PLCE1: variants seen among roughly 807,000 people sequenced by gnomAD.
PLCE1 encodes 1-phosphatidylinositol 4,5-bisphosphate phosphodiesterase epsilon-1.
A neutral mutation model predicts 242.8 loss-of-function variants in PLCE1; 119 were observed. That is an observed-to-expected ratio of 0.49 (90% CI 0.42 to 0.57). The LOEUF (loss-of-function observed/expected upper bound fraction) is 0.57, where lower values mean the gene tolerates loss of function less well. PLCE1 is among the 20% of genes least tolerant of loss of function. The pLI is 0.00. For missense variants in PLCE1, 2,441 were observed against 2,788.8 expected (o/e 0.88, Z 2.81); for synonymous variants, 945 against 1,017.4 (o/e 0.93, Z 1.35).
intron 2 of PLCE1, among the ~76,000 whole-genome samples, chr10:94,034,880 C>G (rs761812597): frequency 3.9e-5 from 6 of 152,258 alleles, no homozygotes; most frequent in South Asian, 2.1e-4. Context: ...ATTTGCCTTT[C>G]CCTAAAAAAG....
chr10:94,107,794 C>A (rs1039017882), intron 2 of PLCE1: 4 of 152,102 alleles, frequency 2.6e-5, no homozygotes, highest in Non-Finnish European at 5.9e-5. Flanking sequence ...ACATTCAGGG[C>A]TTCTGTCATC....
At chr10:94,315,594 C>A in intron 28 of PLCE1, 1 of 433,118 alleles carries the variant, frequency 2.3e-6, no homozygotes, top group South Asian at 1.7e-5. Flanking sequence ...CATGGTGAAA[C>A]CCTGTCTCCA....
chr10:94,311,180 C>CCAT (rs2053376454), intron 27 of PLCE1, among the ~76,000 whole-genome samples: 1 of 152,130 alleles, frequency 6.6e-6, no homozygotes, highest in South Asian at 2.1e-4. Context: ...TCTCGGAACC[C>CCAT]CATCATTTAG....
At chr10:94,270,017 C>T (rs2051669605) in intron 17 of PLCE1, among the ~76,000 whole-genome samples, 1 of 152,152 alleles carries the variant, frequency 6.6e-6, no homozygotes, top group South Asian at 2.1e-4. Context: ...TTTAGCATTC[C>T]TAAAACTCCT....
chr10:94,007,575 CTTTTT>C (rs57779697), intron 1 of PLCE1, among the ~76,000 whole-genome samples: 13 of 107,224 alleles, frequency 1.2e-4, no homozygotes, highest in African/African-American at 3.7e-4. Flanking sequence ...TTCTCTCTCT[CTTTTT>C]TTTTTTTTTT....
intron 4 of PLCE1, among the ~76,000 whole-genome samples, chr10:94,176,789 A>G (rs1336493327): frequency 6.6e-6 from 1 of 152,188 alleles, no homozygotes; most frequent in African/African-American, 2.4e-5. Context: ...GCTATGAGAC[A>G]TGGACACAAA....
intron 4 of PLCE1, among the ~76,000 whole-genome samples, chr10:94,224,280 T>C (rs901073051): frequency 1.3e-5 from 2 of 152,186 alleles, no homozygotes; most frequent in African/African-American, 4.8e-5. Flanking sequence ...GGAAAGTATA[T>C]GGAAAATGAT....
At chr10:94,201,362 A>G (rs1170413541) in intron 4 of PLCE1, among the ~76,000 whole-genome samples, 1 of 152,234 alleles carries the variant, frequency 6.6e-6, no homozygotes, top group African/African-American at 2.4e-5. Context: ...GTGGTATAGC[A>G]GAAGTGCTTT....
At chr10:94,225,288 A>T (rs2049899098) in intron 4 of PLCE1, 1 of 152,178 alleles carries the variant, frequency 6.6e-6, no homozygotes, top group African/African-American at 2.4e-5. Flanking sequence ...GACTCTTCTC[A>T]GTATTTTCTC....
In PLCE1 at chr10:94,246,241, G is replaced by C; in HGVS notation, c.2716G>C (p.Ala906Pro). The C allele has an allele frequency of 6.2e-7, 1 of 1,614,174 alleles. No homozygotes were observed. The highest frequency in any genetic ancestry group is 8.5e-7 in the Non-Finnish European group (1 of 1,180,016). ...AACTGCCTCCCCAGCCAGCAGTAAA[G>C]CAAAACTTGGTGTACTTAATAACAC... is the stretch of plus-strand genomic sequence containing the variant. ...PTTASPASSKAKLGVLNNTAE... is the reference protein window; with the variant it reads ...PTTASPASSKPKLGVLNNTAE... Residue 906 changes from alanine to proline, a missense_variant, in exon 8 of 33, where the codon GCA becomes CCA. Physicochemically the swap from Ala to Pro is conservative, Grantham distance 27. Around this residue, in one of 5 missense-constraint regions of PLCE1, gnomAD observed 733 missense variants for 754.2 expected, o/e 0.97. Coordinates refer to ENST00000371380, the MANE Select transcript of PLCE1 (RefSeq NM_016341.4).
rs1335947232 is a variant in PLCE1 at position 94,328,677 on chromosome 10, G to A, written c.*734G>A. ...TTTGGGGCATTTCAAGTGTAAATAT[G>A]TCCTATAACATAAGAGTCATTAAAA... is the stretch of plus-strand genomic sequence containing the variant. On this transcript the variant is annotated 3_prime_UTR_variant, in exon 33 of 33. Transcript: ENST00000371380. 1 of 152,122 alleles carries A rather than the reference G, an allele frequency of 6.6e-6. No individual in the cohort carries two copies. The highest frequency in any genetic ancestry group is 2.4e-5 in the African/African-American group (1 of 41,420). The allele number at this position is 152,122 out of a possible 1,614,324, so 9.4% of individuals were successfully genotyped here. A position where few individuals can be genotyped will look rare whatever the true frequency, so the allele number is the denominator to read the frequency against.
chr10:93,999,861 A>G (rs1467672919), intron 1 of PLCE1, among the ~76,000 whole-genome samples: 1 of 152,202 alleles, frequency 6.6e-6, no homozygotes, highest in Non-Finnish European at 1.5e-5. Flanking sequence ...GGTTAGTGTC[A>G]GGGCCCAGAT....
chr10:94,149,123 G>A (rs935525869), intron 3 of PLCE1, among the ~76,000 whole-genome samples: 1 of 152,140 alleles, frequency 6.6e-6, no homozygotes, highest in Non-Finnish European at 1.5e-5. Flanking sequence ...AAGAATGGAG[G>A]CATTTTTACT....
At chr10:94,099,692 T>C (rs957156883) in intron 2 of PLCE1, 1 of 152,210 alleles carries the variant, frequency 6.6e-6, no homozygotes, top group Non-Finnish European at 1.5e-5. Flanking sequence ...AACAAGTCTG[T>C]AAAACATGAA....
intron 2 of PLCE1, among the ~76,000 whole-genome samples, chr10:94,039,856 A>G (rs2061732784): frequency 6.6e-6 from 1 of 152,238 alleles, no homozygotes; most frequent in African/African-American, 2.4e-5. Flanking sequence ...AGAAATGTCT[A>G]GTCAAATTAT....
intron 2 of PLCE1, among the ~76,000 whole-genome samples, chr10:94,131,320 C>G (rs994803848): frequency 6.6e-6 from 1 of 152,102 alleles, no homozygotes; most frequent in African/African-American, 2.4e-5. Context: ...CAGGCCTCAT[C>G]GAAGATTGTG....
At chr10:93,998,923 G>A (rs1447611508) in intron 1 of PLCE1, among the ~76,000 whole-genome samples, 2 of 152,210 alleles carry the variant, frequency 1.3e-5, no homozygotes, top group African/African-American at 2.4e-5. Flanking sequence ...GGAGACAGGA[G>A]TGATGTGAGC....
At chr10:94,295,192 A>C (rs562485762) in intron 23 of PLCE1, among the ~76,000 whole-genome samples, 15 of 152,158 alleles carry the variant, frequency 9.9e-5, no homozygotes, top group African/African-American at 3.1e-4. Flanking sequence ...CTGGGATTAC[A>C]GGTGTGAGCC....
At chr10:94,013,533 G>GAA (rs2061215141) in intron 1 of PLCE1, among the ~76,000 whole-genome samples, 1 of 152,222 alleles carries the variant, frequency 6.6e-6, no homozygotes, top group East Asian at 1.9e-4. Flanking sequence ...AAACAAATGA[G>GAA]GCTGATTCAT....
Sources: allele counts gnomAD v4.1 joint callset (sites outside exome capture counted in the v4.1 genomes callset), GRCh38; gene constraint gnomAD v4.1.1; regional missense constraint gnomAD v4.1.1; transcripts MANE v1.5; gene names NCBI Gene and HGNC (gene_info 2026-07-23, HGNC 2026-07-21).